The following MLLT3 variants were observed in gnomAD, a reference collection of about 807,000 sequenced individuals.
The protein encoded by MLLT3 is protein AF-9.
MLLT3 carries 4 observed loss-of-function variants against 53.2 expected under a neutral mutation model. The observed-to-expected ratio is 0.08, with a 90% CI of 0.04 to 0.17. MLLT3 has a LOEUF of 0.17. Ranked by LOEUF, MLLT3 falls within the 10% of genes least tolerant of loss-of-function variation. The probability of loss-of-function intolerance (pLI) is 1.00; values close to 1 mark genes in which losing one functional copy is unlikely to be tolerated. For synonymous variants in MLLT3, 283 were observed against 230.6 expected (o/e 1.23, Z -2.06); for missense variants, 569 against 684.0 (o/e 0.83, Z 1.87).
intron 2 of MLLT3, among the ~76,000 whole-genome samples, chr9:20,547,024 C>T (rs539997013): frequency 2.6e-5 from 4 of 152,186 alleles, no homozygotes; most frequent in African/African-American, 7.2e-5. Flanking sequence ...TGTTTGCTGG[C>T]TCTGGGTCTC....
intron 2 of MLLT3, among the ~76,000 whole-genome samples, chr9:20,542,851 T>G (rs1424217351): frequency 6.6e-6 from 1 of 152,268 alleles, no homozygotes; most frequent in African/African-American, 2.4e-5. Context: ...GAAAATCTGT[T>G]GTTTAGTGTA....
At chr9:20,610,805 T>G (rs1820682657) in intron 2 of MLLT3, among the ~76,000 whole-genome samples, 2 of 152,260 alleles carry the variant, frequency 1.3e-5, no homozygotes, top group Admixed American at 1.3e-4. Flanking sequence ...ATGAGGGAAG[T>G]TAGCTTCCAG....
intron 5 of MLLT3, among the ~76,000 whole-genome samples, chr9:20,375,267 G>C (rs1412062824): frequency 6.6e-6 from 1 of 152,194 alleles, no homozygotes; most frequent in African/African-American, 2.4e-5. Flanking sequence ...AGGTGAATTA[G>C]AACCGGATTT....
chr9:20,540,761 A>G (rs1283717370), intron 2 of MLLT3, among the ~76,000 whole-genome samples: 5 of 152,206 alleles, frequency 3.3e-5, no homozygotes, highest in Non-Finnish European at 2.9e-5. Context: ...TGTCTTGGCT[A>G]TTAACATTTC....
chr9:20,497,953 G>T (rs996806088), intron 2 of MLLT3, among the ~76,000 whole-genome samples: 1 of 152,038 alleles, frequency 6.6e-6, no homozygotes, highest in Admixed American at 6.6e-5. Flanking sequence ...TGGGTGCAGT[G>T]GCTCATGCTT....
chr9:20,374,234 A>C (rs1295649670), intron 5 of MLLT3, among the ~76,000 whole-genome samples: 1 of 152,170 alleles, frequency 6.6e-6, no homozygotes, highest in East Asian at 1.9e-4. Context: ...AAATAAAAAT[A>C]TTAGCCAGGC....
At chr9:20,586,727 G>GA (rs1169945020) in intron 2 of MLLT3, among the ~76,000 whole-genome samples, 3 of 151,398 alleles carry the variant, frequency 2.0e-5, no homozygotes, top group East Asian at 1.9e-4. Context: ...GGAATGAAGG[G>GA]AAAAAAAGTA....
At chr9:20,391,680 T>A (rs930539763) in intron 5 of MLLT3, among the ~76,000 whole-genome samples, 3 of 152,228 alleles carry the variant, frequency 2.0e-5, no homozygotes, top group African/African-American at 7.2e-5. Context: ...GTAAATCTAA[T>A]GTTATTGCAT....
chr9:20,399,698 T>C (rs891100691), intron 5 of MLLT3, among the ~76,000 whole-genome samples: 1 of 151,980 alleles, frequency 6.6e-6, no homozygotes, highest in African/African-American at 2.4e-5. Context: ...GACTAAAGTA[T>C]AGGGGAGAAG....
rs533668807 is a variant in MLLT3, at chr9:20,411,594, T to C, written c.1125+2127A>G. ...ATTACAAAAACTACTATTGTAATCA[T>C]TGGATTTGTGGCTCTAATATGTCAT... On this transcript the variant is annotated intron_variant, in intron 5 of 10. Coordinates refer to ENST00000380338, the MANE Select transcript of MLLT3 (RefSeq NM_004529.4). Among the ~76,000 whole-genome samples the C allele has an allele frequency of 3.9e-5, 6 of 152,352 alleles. No homozygotes were observed. In the East Asian group the frequency reaches 7.7e-4, roughly 20 times the overall value.
intron 5 of MLLT3, among the ~76,000 whole-genome samples, chr9:20,406,734 A>G (rs572322652): frequency 1.3e-5 from 2 of 152,318 alleles, no homozygotes; most frequent in African/African-American, 4.8e-5. Context: ...CAGATTCTGA[A>G]TATTTCTTCC....
intron 2 of MLLT3, among the ~76,000 whole-genome samples, chr9:20,543,474 A>T (rs1450413688): frequency 1.3e-5 from 2 of 152,174 alleles, no homozygotes; most frequent in East Asian, 3.8e-4. Context: ...CCCATAACAT[A>T]TATAAGAATA....
At chr9:20,503,885 G>C (rs1401426252) in intron 2 of MLLT3, among the ~76,000 whole-genome samples, 1 of 152,004 alleles carries the variant, frequency 6.6e-6, no homozygotes, top group Non-Finnish European at 1.5e-5. Context: ...TTTTAAAATG[G>C]GTGAAGGACT....
chr9:20,540,107 T>A (rs1455194212), intron 2 of MLLT3, among the ~76,000 whole-genome samples: 4 of 152,222 alleles, frequency 2.6e-5, no homozygotes, highest in African/African-American at 7.2e-5. Context: ...TAGGGCATGC[T>A]GATGCAAGGG....
chr9:20,402,936 C>A (rs369716490), intron 5 of MLLT3, among the ~76,000 whole-genome samples: 1 of 152,186 alleles, frequency 6.6e-6, no homozygotes, highest in Non-Finnish European at 1.5e-5. Context: ...GTACGCCTGA[C>A]AGGCTTAAAT....
intron 2 of MLLT3, among the ~76,000 whole-genome samples, chr9:20,563,839 T>C (rs1429386807): frequency 1.3e-5 from 2 of 152,116 alleles, no homozygotes; most frequent in African/African-American, 4.8e-5. Flanking sequence ...GTTGCAGGAA[T>C]GACAAACAGA....
At chr9:20,526,631 TTCTTGTACATG>T (rs1260374929) in intron 2 of MLLT3, among the ~76,000 whole-genome samples, 1 of 152,204 alleles carries the variant, frequency 6.6e-6, no homozygotes, top group African/African-American at 2.4e-5. Context: ...TCTAGAAATA[TTCTTGTACATG>T]TCTTGTACAT....
intron 4 of MLLT3, among the ~76,000 whole-genome samples, chr9:20,444,272 C>T (rs1245213529): frequency 6.6e-6 from 1 of 152,142 alleles, no homozygotes; most frequent in East Asian, 1.9e-4. Context: ...TCAATCAGTT[C>T]ATTCTTTAAA....
chr9:20,553,999 G>C (rs1286419740), intron 2 of MLLT3, among the ~76,000 whole-genome samples: 1 of 152,062 alleles, frequency 6.6e-6, no homozygotes. Flanking sequence ...AATTGTAATG[G>C]TCCAGCAGCT....
Sources: gnomAD v4.1 joint callset for allele counts (sites outside exome capture counted in the v4.1 genomes callset) on GRCh38, gnomAD v4.1.1 for gene constraint, MANE v1.5 for transcripts, NCBI Gene and HGNC (gene_info 2026-07-23, HGNC 2026-07-21) for gene names.